PLA2G4A: variants seen among roughly 807,000 people sequenced by gnomAD.
PLA2G4A encodes the protein phospholipase A2 group IVA, also known as cytosolic phospholipase A2.
PLA2G4A carries 40 observed loss-of-function variants against 81.9 expected under a neutral mutation model. That is an observed-to-expected ratio of 0.49 (90% confidence interval 0.38 to 0.64). PLA2G4A has a LOEUF of 0.64. Ranked by LOEUF, PLA2G4A falls within the 30% of genes least tolerant of loss-of-function variation. The pLI is 0.00. For synonymous variants in PLA2G4A, 302 were observed against 296.9 expected (o/e 1.02, Z -0.18); for missense variants, 715 against 905.1 (o/e 0.79, Z 2.69).
chr1:186,988,692 G>T lies in PLA2G4A; in HGVS notation c.*184G>T, dbSNP rs1657973824. The stretch of plus-strand genomic sequence containing the variant: ...ATAAGTTAGGTTGACAAATGATGTT[G>T]ATTATGTAAGGATATACTTAGCTAC... On this transcript the variant is annotated 3_prime_UTR_variant, in exon 18 of 18. Transcript: ENST00000367466. The T allele has an allele frequency of 5.7e-6, 3 of 527,074 alleles. No individual in the cohort carries two copies. In the East Asian group the frequency reaches 1.1e-4, roughly 20 times the overall value. 32.6% of individuals were successfully genotyped at this position (527,074 alleles called of 1,614,324 possible). A position where few individuals can be genotyped will look rare whatever the true frequency, so the allele number is the denominator to read the frequency against.
chr1:186,832,886 T>C (rs1651647386), intron 1 of PLA2G4A, among the ~76,000 whole-genome samples: 1 of 152,224 alleles, frequency 6.6e-6, no homozygotes, highest in South Asian at 2.1e-4. Context: ...TTCTCATTTT[T>C]GGAGGGTTAT....
At position 186,956,231 on chromosome 1, in the gene PLA2G4A, T is replaced by A; in HGVS notation, c.1466T>A (p.Val489Glu). Residue 489 changes from valine (V) to glutamate (E), a missense_variant, in exon 14 of 18, where the codon GTA (valine) becomes GAA (glutamate). Physicochemically the swap from Val to Glu is moderately radical, Grantham distance 121. Transcript: ENST00000367466. ...FNTREGRAGK[V>E]HNFMLGLNLN... ...ACCAGAGAAGGACGTGCTGGGAAGG[T>A]ACACAACTTCATGCTGGGCTTGAAT... The A allele has an allele frequency of 6.2e-7, 1 of 1,614,018 alleles. No individual in the cohort carries two copies. Among genetic ancestry groups the A allele is most frequent in the Non-Finnish European group, 8.5e-7 (1 of 1,179,940 alleles).
At chr1:186,941,266 T>TA (rs1025291958) in intron 10 of PLA2G4A, among the ~76,000 whole-genome samples, 21 of 152,136 alleles carry the variant, frequency 1.4e-4, no homozygotes, top group Non-Finnish European at 2.4e-4. Context: ...CCCATGAGCT[T>TA]AAAAAACCAT....
At chr1:186,960,175 C>A (rs1229311828) in intron 14 of PLA2G4A, among the ~76,000 whole-genome samples, 1 of 152,044 alleles carries the variant, frequency 6.6e-6, no homozygotes, top group Non-Finnish European at 1.5e-5. Context: ...TTTTGGAGAG[C>A]TTTTTATTAG....
rs189058354 is a variant in PLA2G4A, at chr1:186,887,522, C to T, written c.116-5489C>T. Among the ~76,000 whole-genome samples the T allele has an allele frequency of 4.6e-5, 7 of 152,182 alleles. No individual in the cohort carries two copies. The East Asian group carries it at 1.4e-3, about 29-fold the overall frequency. Reference sequence around the variant, plus strand: ...AAAGATCTGTATTCCACACCCCCGACATTTTTTGTTTGTCAAGATTTAGAT... The same window carrying T: ...AAAGATCTGTATTCCACACCCCCGATATTTTTTGTTTGTCAAGATTTAGAT... On this transcript the variant is annotated intron_variant, in intron 3 of 17. Transcript: ENST00000367466.
chr1:186,919,281 A>G (rs1655259090), intron 7 of PLA2G4A, among the ~76,000 whole-genome samples: 2 of 152,156 alleles, frequency 1.3e-5, no homozygotes, highest in Admixed American at 1.3e-4. Context: ...GAATTCCCCT[A>G]CTTGCCTTCT....
At chr1:186,870,824 C>G in intron 3 of PLA2G4A, 1 of 871,480 alleles carries the variant, frequency 1.1e-6, no homozygotes. Flanking sequence ...CTTGACAAAT[C>G]AGAGGTTCTG....
At chr1:186,838,585 A>G (rs1437172068) in intron 1 of PLA2G4A, among the ~76,000 whole-genome samples, 1 of 152,200 alleles carries the variant, frequency 6.6e-6, no homozygotes, top group Non-Finnish European at 1.5e-5. Context: ...TGTACACTTC[A>G]GTGAAGCCCA....
At chr1:186,986,199 G>A (rs751302813) in intron 17 of PLA2G4A, among the ~76,000 whole-genome samples, 16 of 152,118 alleles carry the variant, frequency 1.1e-4, no homozygotes, top group Non-Finnish European at 2.1e-4. Flanking sequence ...GTCCAATTAC[G>A]ATAAATCCAC....
chr1:186,927,197 C>A (rs1242673019), intron 7 of PLA2G4A, among the ~76,000 whole-genome samples: 1 of 152,160 alleles, frequency 6.6e-6, no homozygotes, highest in Non-Finnish European at 1.5e-5. Flanking sequence ...GTGATTTCTT[C>A]ACACTGCCCT....
chr1:186,916,049 G>A (rs1655125500), intron 7 of PLA2G4A, among the ~76,000 whole-genome samples: 1 of 152,118 alleles, frequency 6.6e-6, no homozygotes, highest in Non-Finnish European at 1.5e-5. Context: ...ACATTGAGAG[G>A]CTGGGCTACA....
intron 1 of PLA2G4A, among the ~76,000 whole-genome samples, chr1:186,840,479 C>T (rs558451940): frequency 2.6e-5 from 4 of 152,216 alleles, no homozygotes; most frequent in African/African-American, 4.8e-5. Flanking sequence ...ATGCTGGTCT[C>T]GTATTTAGTG....
At chr1:186,912,142 T>C (rs1654966920) in intron 7 of PLA2G4A, among the ~76,000 whole-genome samples, 1 of 152,154 alleles carries the variant, frequency 6.6e-6, no homozygotes, top group African/African-American at 2.4e-5. Flanking sequence ...TGTTTTTCTT[T>C]GGAAAACACC....
At chr1:186,932,294 C>CTTTTTTTTTTTTTTTTT (rs67757094) in intron 7 of PLA2G4A, among the ~76,000 whole-genome samples, 1 of 138,560 alleles carries the variant, frequency 7.2e-6, no homozygotes, top group Non-Finnish European at 1.6e-5. Flanking sequence ...TTTTCTTTTT[C>CTTTTTTTTTTTTTTTTT]TTTTTTTTTT....
At chr1:186,922,184 G>A (rs1335583428) in intron 7 of PLA2G4A, among the ~76,000 whole-genome samples, 2 of 152,060 alleles carry the variant, frequency 1.3e-5, no homozygotes, top group South Asian at 2.1e-4. Flanking sequence ...AACAAAGAAC[G>A]GGTAAAAAGG....
intron 17 of PLA2G4A, among the ~76,000 whole-genome samples, chr1:186,987,022 T>C (rs1327340512): frequency 1.3e-5 from 2 of 152,230 alleles, no homozygotes; most frequent in African/African-American, 4.8e-5. Context: ...ATAAGGCATA[T>C]AAAAGAACCA....
At chr1:186,834,233 G>A (rs973080478) in intron 1 of PLA2G4A, among the ~76,000 whole-genome samples, 1 of 151,708 alleles carries the variant, frequency 6.6e-6, no homozygotes, top group Non-Finnish European at 1.5e-5. Context: ...CAGAGGCCCA[G>A]TATTTTTTTA....
intron 14 of PLA2G4A, among the ~76,000 whole-genome samples, chr1:186,957,702 C>A (rs1656804730): frequency 6.6e-6 from 1 of 152,172 alleles, no homozygotes; most frequent in African/African-American, 2.4e-5. Context: ...CCAGCAAGAA[C>A]CTTGTCACTT....
In PLA2G4A at chr1:186,893,220, G is replaced by A. The variant is rs917604361; in HGVS notation, c.264+61G>A. On this transcript the variant is annotated intron_variant, in intron 4 of 17. Coordinates refer to ENST00000367466, the MANE Select transcript of PLA2G4A (RefSeq NM_024420.3). ...GATTCATGTTGAGAGACATGCTTGA[G>A]TTTGTCCTTTTACTGCCTTTTTGTT... The A allele has an allele frequency of 2.4e-5, 34 of 1,440,828 alleles. No individual in the cohort carries two copies. The Admixed American group carries it at 5.5e-4, about 23-fold the overall frequency. 89.3% of individuals were successfully genotyped at this position (1,440,828 alleles called of 1,614,324 possible). A position where few individuals can be genotyped will look rare whatever the true frequency, so the allele number is the denominator to read the frequency against.
Sources: allele counts gnomAD v4.1 joint callset (sites outside exome capture counted in the v4.1 genomes callset), GRCh38; gene constraint gnomAD v4.1.1; transcripts MANE v1.5; gene names NCBI Gene and HGNC (gene_info 2026-07-23, HGNC 2026-07-21).